Variants in GRIN2A observed in about 807,000 individuals in gnomAD.
The protein encoded by GRIN2A is glutamate receptor ionotropic, NMDA 2A.
Under a neutral mutation model 113.4 loss-of-function variants are expected in GRIN2A, and 22 were observed. That is an observed-to-expected ratio of 0.19 (90% CI 0.14 to 0.28). GRIN2A has a LOEUF of 0.28. Among genes scored for constraint, GRIN2A ranks in the 10% least tolerant of loss-of-function variants. GRIN2A has a pLI of 1.00. For missense variants in GRIN2A, 1,502 were observed against 1,887.0 expected (o/e 0.80, Z 3.78); for synonymous variants, 827 against 738.4 (o/e 1.12, Z -1.94).
intron 4 of GRIN2A, among the ~76,000 whole-genome samples, chr16:9,851,608 C>T (rs556563474): frequency 6.6e-6 from 1 of 152,330 alleles, no homozygotes; most frequent in East Asian, 1.9e-4. Flanking sequence ...AATCCCTTTT[C>T]TTTCCATTTG....
intron 4 of GRIN2A, among the ~76,000 whole-genome samples, chr16:9,858,753 G>C (rs2043011397): frequency 3.9e-5 from 6 of 152,102 alleles, no homozygotes; most frequent in Admixed American, 3.9e-4. Context: ...TATGTTCTTA[G>C]AGCAGAGATA....
At position 10,057,637 on chromosome 16, in the gene GRIN2A, T is replaced by TA. The variant is rs532428882; in HGVS notation, c.415-119087dup. Among the ~76,000 whole-genome samples the TA allele has an allele frequency of 6.9e-3, 1,006 of 145,624 alleles. 4 individuals are homozygous for TA. Among genetic ancestry groups the TA allele is most frequent in the African/African-American group, 0.014 (537 of 39,748 alleles). On this transcript the variant is annotated intron_variant, in intron 2 of 12. Transcript: ENST00000330684. Reference sequence around the variant, plus strand: ...AAAACAAAACAAACTCATAAGTAGTTAAAAAAAAAAAATCACTTCCCAAAG... The same window carrying TA: ...AAAACAAAACAAACTCATAAGTAGTTAAAAAAAAAAAAATCACTTCCCAAAG...
intron 4 of GRIN2A, among the ~76,000 whole-genome samples, chr16:9,864,364 A>T (rs1232883748): frequency 6.6e-6 from 1 of 152,160 alleles, no homozygotes; most frequent in Non-Finnish European, 1.5e-5. Flanking sequence ...TAATCAATTC[A>T]TTCTTACCAG....
At chr16:10,102,830 C>A (rs1398694814) in intron 2 of GRIN2A, among the ~76,000 whole-genome samples, 1 of 152,206 alleles carries the variant, frequency 6.6e-6, no homozygotes, top group Non-Finnish European at 1.5e-5. Context: ...AAACTTAGGT[C>A]TCTCCAAAAT....
At chr16:10,150,533 G>T (rs765582192) in intron 2 of GRIN2A, among the ~76,000 whole-genome samples, 1 of 152,098 alleles carries the variant, frequency 6.6e-6, no homozygotes, top group African/African-American at 2.4e-5. Context: ...CTACCTCTCA[G>T]AACCTGTTTC....
rs151171407 is a variant in GRIN2A at position 9,890,786 on chromosome 16, C to G, written c.1122+200G>C. ...GACATACAGCGCACCACACAATTACCACAGTTCACCCAGAGAAAGCATTCC... is the reference window on the plus strand; with the variant it reads ...GACATACAGCGCACCACACAATTACGACAGTTCACCCAGAGAAAGCATTCC... On this transcript the variant is annotated intron_variant, in intron 4 of 12. Coordinates refer to ENST00000330684, the MANE Select transcript of GRIN2A (RefSeq NM_001134407.3). 3.4e-3 allele frequency among the ~76,000 whole-genome samples: 521 copies of G among 152,316 alleles called. 3 individuals carry two copies. Among genetic ancestry groups the G allele is most frequent in the African/African-American group, 0.012 (480 of 41,562 alleles).
chr16:9,894,849 C>T lies in GRIN2A; in HGVS notation c.1008-3749G>A, dbSNP rs535969474. On this transcript the variant is annotated intron_variant, in intron 3 of 12. Coordinates refer to ENST00000330684, the MANE Select transcript of GRIN2A (RefSeq NM_001134407.3). ...TTCATCCATCTATATATCTACCCTT[C>T]CAAACATCTGTCAATGCAGTCATTC... is the stretch of plus-strand genomic sequence containing the variant. Among the ~76,000 whole-genome samples, 32 of 152,266 alleles carry T rather than the reference C, an allele frequency of 2.1e-4. No individual in the cohort carries two copies. The South Asian group carries it at 6.6e-3, about 32-fold the overall frequency.
chr16:9,825,372 G>T (rs540508579), intron 9 of GRIN2A, among the ~76,000 whole-genome samples: 1 of 152,306 alleles, frequency 6.6e-6, no homozygotes, highest in African/African-American at 2.4e-5. Context: ...AAACAATGAA[G>T]CCTGTCTCCT....
At chr16:9,906,665 G>A (rs1033949885) in intron 3 of GRIN2A, among the ~76,000 whole-genome samples, 1 of 152,204 alleles carries the variant, frequency 6.6e-6, no homozygotes, top group African/African-American at 2.4e-5. Context: ...CACCTTAACA[G>A]GGAGAAATAT....
intron 2 of GRIN2A, among the ~76,000 whole-genome samples, chr16:9,973,792 A>G (rs925750518): frequency 1.3e-5 from 2 of 152,210 alleles, no homozygotes; most frequent in Admixed American, 1.3e-4. Context: ...TGGGGGGAAA[A>G]AAAACAAATT....
chr16:9,818,724 T>C (rs1392222404), intron 10 of GRIN2A, among the ~76,000 whole-genome samples: 3 of 152,186 alleles, frequency 2.0e-5, no homozygotes, highest in Non-Finnish European at 4.4e-5. Context: ...TTTTACCTAT[T>C]AGCAAAATTT....
intron 4 of GRIN2A, among the ~76,000 whole-genome samples, chr16:9,857,558 C>T (rs188957430): frequency 6.6e-6 from 1 of 152,188 alleles, no homozygotes; most frequent in African/African-American, 2.4e-5. Context: ...AACTTTGGAG[C>T]CAGCCACTCT....
chr16:9,975,415 G>C (rs2045756357), intron 2 of GRIN2A, among the ~76,000 whole-genome samples: 1 of 152,162 alleles, frequency 6.6e-6, no homozygotes, highest in African/African-American at 2.4e-5. Flanking sequence ...AGAAGTCAGA[G>C]AGACTCAAAG....
At chr16:9,773,600 T>G (rs1901416566) in intron 11 of GRIN2A, among the ~76,000 whole-genome samples, 1 of 152,184 alleles carries the variant, frequency 6.6e-6, no homozygotes, top group African/African-American at 2.4e-5. Flanking sequence ...CAAACCACAC[T>G]GCCTTTGTCT....
At chr16:9,926,927 T>TA (rs2044477847) in intron 3 of GRIN2A, among the ~76,000 whole-genome samples, 6 of 68,048 alleles carry the variant, frequency 8.8e-5, no homozygotes, top group Admixed American at 2.1e-4. Context: ...CACTCTAAGT[T>TA]TAAAAAAAAA....
At chr16:10,058,270 C>CA (rs1421051879) in intron 2 of GRIN2A, among the ~76,000 whole-genome samples, 1 of 149,368 alleles carries the variant, frequency 6.7e-6, no homozygotes, top group Non-Finnish European at 1.5e-5. Flanking sequence ...AACCAAAAAA[C>CA]AAAAAAACCA....
Position 9,840,815 on chromosome 16 carries a change from A to C in GRIN2A, c.1498-15T>G, listed in dbSNP as rs76841620. ...TGATAGACCACCTGGATGCAAGGCA[A>C]AAAAAAAAAAAAAAAAAAGAGAGAG... On this transcript the variant is annotated splice_polypyrimidine_tract_variant and intron_variant, in intron 6 of 12. Coordinates refer to ENST00000330684, the MANE Select transcript of GRIN2A (RefSeq NM_001134407.3). 1.6e-6 allele frequency: 1 copy of C among 631,802 alleles called. No homozygotes were observed. The highest frequency in any genetic ancestry group is 2.3e-6 in the Non-Finnish European group (1 of 426,258). 39.1% of individuals were successfully genotyped at this position (631,802 alleles called of 1,614,324 possible). A position where few individuals can be genotyped will look rare whatever the true frequency, so the allele number is the denominator to read the frequency against.
At chr16:9,917,373 C>T (rs1251622922) in intron 3 of GRIN2A, among the ~76,000 whole-genome samples, 1 of 152,240 alleles carries the variant, frequency 6.6e-6, no homozygotes, top group African/African-American at 2.4e-5. Context: ...GGGTTTGGCA[C>T]TGAACACTAG....
At chr16:10,128,588 G>GC (rs781392517) in intron 2 of GRIN2A, among the ~76,000 whole-genome samples, 117 of 152,328 alleles carry the variant, frequency 7.7e-4, no homozygotes, top group Non-Finnish European at 1.2e-3. Flanking sequence ...GAGGTGGGCA[G>GC]CACCCTCCAG....
Sources: gnomAD v4.1 joint callset for allele counts (sites outside exome capture counted in the v4.1 genomes callset) on GRCh38, gnomAD v4.1.1 for gene constraint, MANE v1.5 for transcripts, NCBI Gene and HGNC (gene_info 2026-07-23, HGNC 2026-07-21) for gene names.